The following PWWP2A variants were observed in gnomAD, a reference collection of about 807,000 sequenced individuals.
PWWP2A encodes PWWP domain-containing protein 2A.
Under a neutral mutation model 48.5 loss-of-function variants are expected in PWWP2A, and 18 were observed. The observed-to-expected ratio is 0.37, with a 90% confidence interval of 0.26 to 0.55. PWWP2A has a LOEUF of 0.55. Ranked by LOEUF, PWWP2A falls within the 20% of genes least tolerant of loss-of-function variation. The pLI is 0.81. For missense variants in PWWP2A, 867 were observed against 976.4 expected (o/e 0.89, Z 1.49); for synonymous variants, 396 against 387.7 (o/e 1.02, Z -0.25).
chr5:160,102,726 A>G (rs1217661765), intron 1 of PWWP2A, among the ~76,000 whole-genome samples: 7 of 152,208 alleles, frequency 4.6e-5, no homozygotes, highest in African/African-American at 2.4e-5. Flanking sequence ...CACATTGCCA[A>G]TGAGGGCACA....
intron 2 of PWWP2A, among the ~76,000 whole-genome samples, chr5:160,067,429 A>G (rs997028898): frequency 1.3e-5 from 2 of 152,208 alleles, no homozygotes; most frequent in African/African-American, 4.8e-5. Flanking sequence ...GAGACTTAGC[A>G]AAATCAGGGC....
chr5:160,061,185 C>T (rs1437072168), downstream of PWWP2A, among the ~76,000 whole-genome samples: 1 of 152,220 alleles, frequency 6.6e-6, no homozygotes, highest in African/African-American at 2.4e-5. Flanking sequence ...TTGGCTCACG[C>T]TGTTTGGGCT....
At chr5:160,109,784 T>TATATATATAAAATAATATAATA (rs1757323451) in intron 1 of PWWP2A, among the ~76,000 whole-genome samples, 1 of 101,652 alleles carries the variant, frequency 9.8e-6, no homozygotes, top group East Asian at 2.9e-4. Context: ...AATATATATA[T>TATATATATAAAATAATATAATA]ATATATATAT....
chr5:160,107,779 G>A (rs1206974358), intron 1 of PWWP2A, among the ~76,000 whole-genome samples: 1 of 151,852 alleles, frequency 6.6e-6, no homozygotes, highest in Non-Finnish European at 1.5e-5. Flanking sequence ...AGCATTTTGG[G>A]AGGCCGAGGC....
chr5:160,111,090 A>C (rs1757517616), intron 1 of PWWP2A, among the ~76,000 whole-genome samples: 1 of 151,770 alleles, frequency 6.6e-6, no homozygotes, highest in Non-Finnish European at 1.5e-5. Context: ...GAGGGCAAGG[A>C]GGGAGGATTA....
At position 160,092,520 on chromosome 5, in the gene PWWP2A, G is replaced by T; in HGVS notation, c.2130C>A (p.Ser710=). ...GTGACTGGAAGTTTTCTAAAAAGGG[G>T]GAGAGTTGTGAAAGAGCAAGGAAAG... The part of the protein sequence containing the change: ...TTSFLALSQL[S]PFLENFQSRF... Residue 710 remains serine (S), a synonymous_variant, in exon 2 of 2, where the codon TCC becomes TCA. Transcript: ENST00000307063. 1 of 1,551,646 alleles carries T rather than the reference G, an allele frequency of 6.4e-7. No homozygotes were observed. The highest frequency in any genetic ancestry group is 8.7e-7 in the Non-Finnish European group (1 of 1,146,976).
chr5:160,080,858 G>T, intron 2 of PWWP2A: 1 of 1,226,226 alleles, frequency 8.2e-7, no homozygotes, highest in South Asian at 1.7e-5. Flanking sequence ...TTTAAAATAA[G>T]ACCAAAATTC....
intron 1 of PWWP2A, among the ~76,000 whole-genome samples, chr5:160,118,098 T>C (rs942914265): frequency 1.4e-4 from 21 of 152,232 alleles, no homozygotes; most frequent in Non-Finnish European, 5.9e-5. Context: ...TCCCAGGTGT[T>C]AGAAGTTACT....
chr5:160,061,594 T>A (rs1041652431), downstream of PWWP2A, among the ~76,000 whole-genome samples: 1 of 152,232 alleles, frequency 6.6e-6, no homozygotes. Context: ...CCTTTTATTA[T>A]GTGTCTACTA....
rs1453579161 is a variant in PWWP2A, at chr5:160,091,763, C to A, written c.*619G>T. ...CCAAACACTGGGCTATTTCCCCAGT[C>A]TGTAACTGAATTGCAACCATCTGTT... On this transcript the variant is annotated 3_prime_UTR_variant, in exon 2 of 2. Coordinates refer to ENST00000307063, the MANE Select transcript of PWWP2A (RefSeq NM_001130864.2). The A allele has an allele frequency of 1.0e-6, 1 of 985,024 alleles. No individual in the cohort carries two copies. Among genetic ancestry groups the A allele is most frequent in the Non-Finnish European group, 1.2e-6 (1 of 829,766 alleles). 61.0% of individuals were successfully genotyped at this position (985,024 alleles called of 1,614,324 possible).
the PWWP2A span, chr5:160,049,798 C>T: frequency 2.6e-6 from 2 of 774,534 alleles, no homozygotes; most frequent in African/African-American, 1.8e-5. Flanking sequence ...ATATGGGAGG[C>T]CAGGCGCAGT....
At position 160,077,290 on chromosome 5, in the gene PWWP2A, G is replaced by A. The variant is rs892230141; in HGVS notation, c.*865C>T. Reference sequence around the variant, plus strand: ...AGACGTTGTCACCTTTTTTGAACTAGATAAAACCAGTAAGGATACAGACAA... The same window carrying A: ...AGACGTTGTCACCTTTTTTGAACTAAATAAAACCAGTAAGGATACAGACAA... On this transcript the variant is annotated 3_prime_UTR_variant, in exon 4 of 4. Coordinates refer to the PWWP2A transcript ENST00000456329. The surrounding 1 kb of genome is among the most constrained non-coding windows in gnomAD (Gnocchi z 4.2). 3.3e-5 allele frequency: 5 copies of A among 152,130 alleles called. No individual in the cohort carries two copies. The highest frequency in any genetic ancestry group is 9.7e-5 in the African/African-American group (4 of 41,426). The allele number at this position is 152,130 out of a possible 1,614,324, so 9.4% of individuals were successfully genotyped here. A position where few individuals can be genotyped will look rare whatever the true frequency, so the allele number is the denominator to read the frequency against.
At position 160,099,678 on chromosome 5, in the gene PWWP2A, ATTT is replaced by A. The variant is rs747258403; in HGVS notation, c.585-5616_585-5614del. On this transcript the variant is annotated intron_variant, in intron 1 of 1. Transcript: ENST00000307063. ...TTTAGGAGTAAGTGCCAAAAAAAAAATTTTTTTTTTTTTTTTGGAAACAGAGTC... is the reference window on the plus strand; with the variant it reads ...TTTAGGAGTAAGTGCCAAAAAAAAAATTTTTTTTTTTTTGGAAACAGAGTC... 6.5e-4 allele frequency among the ~76,000 whole-genome samples: 91 copies of A among 140,414 alleles called. 2 individuals are homozygous for A. Among genetic ancestry groups the A allele is most frequent in the Admixed American group, 5.6e-3 (78 of 13,892 alleles). The allele number at this position is 140,414 out of a possible 152,430, so 92.1% of individuals were successfully genotyped here.
intron 1 of PWWP2A, among the ~76,000 whole-genome samples, chr5:160,117,536 A>G (rs962783434): frequency 2.6e-5 from 4 of 152,176 alleles, no homozygotes; most frequent in Non-Finnish European, 5.9e-5. Flanking sequence ...GCACGCCTGT[A>G]GTCCCAGCTA....
At chr5:160,097,250 T>C (rs963901579) in intron 1 of PWWP2A, among the ~76,000 whole-genome samples, 6 of 146,560 alleles carry the variant, frequency 4.1e-5, no homozygotes, top group African/African-American at 1.5e-4. Context: ...GGTGGGAGGA[T>C]TGCTTGAGTC....
At chr5:160,081,195 G>A (rs537173845) in intron 2 of PWWP2A, among the ~76,000 whole-genome samples, 5 of 151,356 alleles carry the variant, frequency 3.3e-5, no homozygotes, top group African/African-American at 1.2e-4. Context: ...AGGCTGAACC[G>A]TCATCTCTGT....
intron 1 of PWWP2A, among the ~76,000 whole-genome samples, chr5:160,096,447 CAA>C (rs1324884094): frequency 1.3e-5 from 2 of 152,150 alleles, no homozygotes; most frequent in East Asian, 1.9e-4. Context: ...GATGACAGGA[CAA>C]AAGAGGTGCT....
downstream of PWWP2A, among the ~76,000 whole-genome samples, chr5:160,087,933 TA>T (rs1754769288): frequency 6.6e-6 from 1 of 152,222 alleles, no homozygotes; most frequent in Non-Finnish European, 1.5e-5. Flanking sequence ...CCTGGAAAAC[TA>T]AAAATATACA....
chr5:160,084,162 C>A lies in PWWP2A; in HGVS notation c.1550-3392G>T, dbSNP rs183215986. Reference sequence around the variant, plus strand: ...TGGCAAGTATTTATACAGCCTCATGCAAGACATTTTTTTTATTGCTTTAAA... The same window carrying A: ...TGGCAAGTATTTATACAGCCTCATGAAAGACATTTTTTTTATTGCTTTAAA... On this transcript the variant is annotated intron_variant, in intron 2 of 3. Coordinates refer to the PWWP2A transcript ENST00000456329. Among the ~76,000 whole-genome samples the A allele has an allele frequency of 4.0e-3, 603 of 152,302 alleles. 15 individuals are homozygous for A. Among genetic ancestry groups the A allele is most frequent in the Non-Finnish European group, 8.7e-4 (59 of 68,026 alleles).
Sources: gnomAD v4.1 joint callset for allele counts (sites outside exome capture counted in the v4.1 genomes callset) on GRCh38, gnomAD v4.1.1 for gene constraint, Gnocchi (gnomAD v3.1) non-coding constraint, MANE v1.5 for transcripts, NCBI Gene and HGNC (gene_info 2026-07-23, HGNC 2026-07-21) for gene names.